The following NCALD variants were observed in gnomAD, a reference collection of about 807,000 sequenced individuals.
NCALD encodes the protein neurocalcin-delta.
In NCALD, 10 loss-of-function variants were observed where a neutral mutation model predicts 18.6. The ratio of observed to expected loss-of-function variants is 0.54; its 90% confidence interval spans 0.33 to 0.91. NCALD has a LOEUF of 0.91. Among genes scored for constraint, NCALD ranks in the 40% least tolerant of loss-of-function variants. The pLI is 0.03. For synonymous variants in NCALD, 88 were observed against 87.4 expected (o/e 1.01, Z -0.04); for missense variants, 184 against 247.6 (o/e 0.74, Z 1.72).
chr8:101,806,579 A>G (rs563074623), intron 4 of NCALD, among the ~76,000 whole-genome samples: 7 of 152,316 alleles, frequency 4.6e-5, no homozygotes, highest in African/African-American at 1.4e-4. Context: ...TGAAAATTTC[A>G]CTACAGAGAA....
At position 101,896,677 on chromosome 8, in the gene NCALD, C is replaced by A. The variant is rs1403640236; in HGVS notation, c.-106-9450G>T. Among the ~76,000 whole-genome samples the A allele has an allele frequency of 8.6e-5, 13 of 150,950 alleles. No homozygotes were observed. The East Asian group carries it at 2.5e-3, about 29-fold the overall frequency. ...CTCAAACAAATTTACAACAGAAAAA[C>A]AAACAACCCCATCAAAAAGTGGGTG... On this transcript the variant is annotated intron_variant, in intron 3 of 6. Transcript: ENST00000311028.
intron 2 of NCALD, among the ~76,000 whole-genome samples, chr8:101,987,914 G>C (rs981661947): frequency 4.6e-5 from 7 of 152,118 alleles, no homozygotes; most frequent in Non-Finnish European, 1.0e-4. Context: ...CAGCACTTTC[G>C]GAGGCCGAGG....
chr8:102,046,545 C>T (rs968289525), intron 1 of NCALD, among the ~76,000 whole-genome samples: 2 of 152,156 alleles, frequency 1.3e-5, no homozygotes, highest in Non-Finnish European at 2.9e-5. Context: ...CACTCTGTCA[C>T]TCAGGCTGAA....
At chr8:102,116,046 C>A (rs1825772499) in intron 1 of NCALD, among the ~76,000 whole-genome samples, 1 of 127,004 alleles carries the variant, frequency 7.9e-6, no homozygotes, top group Admixed American at 9.8e-5. Context: ...ATGATCAAAT[C>A]AAAAGCATTT....
At chr8:102,049,819 T>C (rs995965621) in intron 1 of NCALD, among the ~76,000 whole-genome samples, 1 of 152,148 alleles carries the variant, frequency 6.6e-6, no homozygotes, top group Non-Finnish European at 1.5e-5. Context: ...CCTCTGTATC[T>C]CTTCTTTGGT....
At chr8:102,097,944 T>A (rs898861850) in intron 1 of NCALD, among the ~76,000 whole-genome samples, 32 of 152,206 alleles carry the variant, frequency 2.1e-4, no homozygotes, top group African/African-American at 2.4e-5. Flanking sequence ...CAGAACACGC[T>A]GTGAATCGAC....
chr8:101,982,488 G>A (rs1820657044), intron 2 of NCALD, among the ~76,000 whole-genome samples: 1 of 152,164 alleles, frequency 6.6e-6, no homozygotes, highest in Non-Finnish European at 1.5e-5. Context: ...TGTGCAAGAA[G>A]TTAGGCTTCT....
chr8:102,116,137 T>G (rs961678587), intron 1 of NCALD, among the ~76,000 whole-genome samples: 1 of 152,018 alleles, frequency 6.6e-6, no homozygotes, highest in African/African-American at 2.4e-5. Flanking sequence ...AGGGATAGCA[T>G]TAGGAGATAT....
intron 2 of NCALD, among the ~76,000 whole-genome samples, chr8:101,713,920 G>C (rs1445675553): frequency 6.6e-6 from 1 of 151,928 alleles, no homozygotes; most frequent in African/African-American, 2.4e-5. Flanking sequence ...ACTCTGAAAA[G>C]GCCTTCAATA....
At chr8:101,990,562 G>T (rs1447119419) in intron 2 of NCALD, among the ~76,000 whole-genome samples, 1 of 152,144 alleles carries the variant, frequency 6.6e-6, no homozygotes, top group East Asian at 1.9e-4. Context: ...CTGTTCTCTG[G>T]ATAGTGAATA....
At chr8:101,903,882 G>A (rs992963007) in intron 3 of NCALD, among the ~76,000 whole-genome samples, 2 of 152,186 alleles carry the variant, frequency 1.3e-5, no homozygotes, top group African/African-American at 4.8e-5. Context: ...GTATATCTGT[G>A]AGTCCCTGGT....
chr8:101,939,914 T>A (rs1402671323), intron 2 of NCALD, among the ~76,000 whole-genome samples: 1 of 152,236 alleles, frequency 6.6e-6, no homozygotes. Context: ...GGCCATGTGA[T>A]CATAGGTCAG....
intron 4 of NCALD, among the ~76,000 whole-genome samples, chr8:101,843,279 TATC>T (rs1293534409): frequency 1.3e-5 from 2 of 152,208 alleles, no homozygotes; most frequent in Admixed American, 1.3e-4. Context: ...CTCAAAAAGA[TATC>T]ATGAGGATTT....
intron 1 of NCALD, among the ~76,000 whole-genome samples, chr8:102,092,188 A>T (rs752237106): frequency 4.6e-5 from 7 of 152,204 alleles, no homozygotes; most frequent in African/African-American, 1.7e-4. Flanking sequence ...CTACATTCCG[A>T]CCAGGGCCAT....
At chr8:102,012,420 T>TG (rs907723916) in intron 2 of NCALD, among the ~76,000 whole-genome samples, 9 of 152,174 alleles carry the variant, frequency 5.9e-5, no homozygotes, top group African/African-American at 2.2e-4. Context: ...GGCTGAGCCT[T>TG]GGGTAGGGAG....
intron 1 of NCALD, among the ~76,000 whole-genome samples, chr8:102,104,635 A>T (rs1224482495): frequency 6.6e-6 from 1 of 152,070 alleles, no homozygotes; most frequent in Non-Finnish European, 1.5e-5. Flanking sequence ...ACAGCTGTCC[A>T]GTTATTTGTA....
chr8:101,813,041 G>C (rs1813364835), intron 4 of NCALD, among the ~76,000 whole-genome samples: 1 of 152,080 alleles, frequency 6.6e-6, no homozygotes, highest in Non-Finnish European at 1.5e-5. Context: ...GGTGCTTTCT[G>C]TGTGGCAGGC....
intron 2 of NCALD, among the ~76,000 whole-genome samples, chr8:101,927,968 T>C (rs1818400083): frequency 6.6e-6 from 1 of 152,180 alleles, no homozygotes; most frequent in South Asian, 2.1e-4. Flanking sequence ...TTTTAACAAA[T>C]ATTTTCATGT....
chr8:101,810,118 C>G (rs1813252448), intron 4 of NCALD, among the ~76,000 whole-genome samples: 1 of 152,156 alleles, frequency 6.6e-6, no homozygotes, highest in African/African-American at 2.4e-5. Flanking sequence ...TGTTGAGTTT[C>G]TGTGCAAAAT....
Sources: allele counts gnomAD v4.1 joint callset (sites outside exome capture counted in the v4.1 genomes callset), GRCh38; gene constraint gnomAD v4.1.1; transcripts MANE v1.5; gene names NCBI Gene and HGNC (gene_info 2026-07-23, HGNC 2026-07-21).